The following WWOX variants were observed in gnomAD, a reference collection of about 807,000 sequenced individuals.
The protein encoded by WWOX is WW domain containing oxidoreductase.
In WWOX, 69 loss-of-function variants were observed where a neutral mutation model predicts 46.2. The observed-to-expected ratio is 1.49, with a 90% CI of 1.23 to 1.82. WWOX has a LOEUF of 1.82. Among genes scored for constraint, WWOX ranks in the 40% most tolerant of loss-of-function variants. The pLI, the probability that WWOX is intolerant of heterozygous loss-of-function variation, is 0.00. For synonymous variants in WWOX, 359 were observed against 202.6 expected (o/e 1.77, Z -6.56); for missense variants, 919 against 542.6 (o/e 1.69, Z -6.89).
Position 78,821,431 on chromosome 16 carries a change from C to T in WWOX, c.1056+388679C>T, listed in dbSNP as rs150003427. Reference sequence around the variant, plus strand: ...CACATGGCTTCTCATTTTGAAAACCCGGTGGCTAATAAAGTAGATGAGTTT... The same window carrying T: ...CACATGGCTTCTCATTTTGAAAACCTGGTGGCTAATAAAGTAGATGAGTTT... On this transcript the variant is annotated intron_variant, in intron 8 of 8. Coordinates refer to ENST00000566780, the MANE Select transcript of WWOX (RefSeq NM_016373.4). Among the ~76,000 whole-genome samples the T allele has an allele frequency of 5.5e-3, 842 of 152,184 alleles. 7 individuals carry two copies. Among genetic ancestry groups the T allele is most frequent in the African/African-American group, 0.017 (703 of 41,512 alleles).
intron 8 of WWOX, among the ~76,000 whole-genome samples, chr16:78,681,475 C>G (rs1192323054): frequency 2.0e-5 from 3 of 151,586 alleles, no homozygotes; most frequent in South Asian, 2.1e-4. Context: ...ATCCTAGACA[C>G]TTGAATCAGA....
At chr16:78,905,664 T>A (rs978280368) in intron 8 of WWOX, among the ~76,000 whole-genome samples, 1 of 152,212 alleles carries the variant, frequency 6.6e-6, no homozygotes, top group Non-Finnish European at 1.5e-5. Context: ...ATTAGATGCA[T>A]GAGCCACCTG....
chr16:78,265,127 A>C (rs1055284566), intron 5 of WWOX, among the ~76,000 whole-genome samples: 5 of 149,924 alleles, frequency 3.3e-5, no homozygotes, highest in African/African-American at 1.2e-4. Flanking sequence ...CAGCCTCCCA[A>C]GTTGCTGGGA....
chr16:78,502,921 A>C (rs1012468388), intron 8 of WWOX, among the ~76,000 whole-genome samples: 2 of 152,178 alleles, frequency 1.3e-5, no homozygotes, highest in South Asian at 4.1e-4. Context: ...CCCTGCTTCC[A>C]GCGATAGCAA....
intron 8 of WWOX, among the ~76,000 whole-genome samples, chr16:79,073,757 G>A (rs1481827320): frequency 2.6e-5 from 4 of 152,048 alleles, no homozygotes; most frequent in Non-Finnish European, 4.4e-5. Flanking sequence ...CGTATCTCAG[G>A]GCTTCCGTAG....
intron 8 of WWOX, among the ~76,000 whole-genome samples, chr16:79,012,085 C>T (rs1176110307): frequency 6.6e-6 from 1 of 152,152 alleles, no homozygotes; most frequent in Non-Finnish European, 1.5e-5. Flanking sequence ...AGCGTGGACA[C>T]TGGGTAGGAG....
intron 8 of WWOX, among the ~76,000 whole-genome samples, chr16:78,874,139 C>T (rs564435741): frequency 1.7e-4 from 26 of 151,888 alleles, no homozygotes; most frequent in Non-Finnish European, 3.7e-4. Context: ...GTCTGTAATC[C>T]CAGCTACTCG....
intron 8 of WWOX, among the ~76,000 whole-genome samples, chr16:78,542,320 C>A (rs928723607): frequency 1.3e-4 from 20 of 152,120 alleles, no homozygotes; most frequent in South Asian, 2.1e-4. Context: ...ACATGATGTA[C>A]CCTGTGTTCT....
chr16:78,822,231 C>T (rs1047603384), intron 8 of WWOX, among the ~76,000 whole-genome samples: 4 of 151,942 alleles, frequency 2.6e-5, no homozygotes, highest in Non-Finnish European at 5.9e-5. Context: ...TGGTGGCTTA[C>T]CCCTGTAATC....
At position 78,748,328 on chromosome 16, in the gene WWOX, A is replaced by G. The variant is rs114882500; in HGVS notation, c.1056+315576A>G. On this transcript the variant is annotated intron_variant, in intron 8 of 8. Transcript: ENST00000566780. The stretch of plus-strand genomic sequence containing the variant: ...CTCAAAAGACTCTATGCAAATAATT[A>G]CTGTTACCCAGTGGTGGAAGTGCTT... 4.2e-3 allele frequency among the ~76,000 whole-genome samples: 637 copies of G among 152,288 alleles called. 4 individuals are homozygous for G. Among genetic ancestry groups the G allele is most frequent in the African/African-American group, 0.014 (579 of 41,566 alleles).
chr16:79,138,986 CCCTTTAGTATTGATGA>C (rs1466728041), intron 8 of WWOX, among the ~76,000 whole-genome samples: 2 of 152,118 alleles, frequency 1.3e-5, no homozygotes, highest in African/African-American at 4.8e-5. Context: ...ACATATAACT[CCCTTTAGTATTGATGA>C]CCTTTCTCTC....
intron 1 of WWOX, among the ~76,000 whole-genome samples, chr16:78,106,422 T>G (rs1353259118): frequency 1.6e-5 from 2 of 127,938 alleles, no homozygotes; most frequent in African/African-American, 3.0e-5. Context: ...TTTTTTTTTG[T>G]TTTTTTTTTT....
chr16:79,012,461 G>C (rs2047330151), intron 8 of WWOX, among the ~76,000 whole-genome samples: 1 of 152,098 alleles, frequency 6.6e-6, no homozygotes, highest in Non-Finnish European at 1.5e-5. Flanking sequence ...TCGAACTCCT[G>C]ACCTCAAAAG....
intron 8 of WWOX, among the ~76,000 whole-genome samples, chr16:78,810,613 T>C (rs1038652345): frequency 3.3e-5 from 5 of 152,222 alleles, no homozygotes; most frequent in African/African-American, 9.6e-5. Context: ...CTGGAGTATT[T>C]TACCTCCCAT....
chr16:78,773,867 G>T (rs1436320980), intron 8 of WWOX, among the ~76,000 whole-genome samples: 3 of 152,182 alleles, frequency 2.0e-5, no homozygotes, highest in African/African-American at 7.2e-5. Context: ...TTTAACTTCT[G>T]TTGGCATCAT....
chr16:78,842,006 C>T (rs773902051), intron 8 of WWOX, among the ~76,000 whole-genome samples: 44 of 152,154 alleles, frequency 2.9e-4, no homozygotes, highest in Non-Finnish European at 4.6e-4. Context: ...ATATAAGAGA[C>T]ACACTATAAA....
At chr16:78,198,718 C>T (rs969218035) in intron 5 of WWOX, among the ~76,000 whole-genome samples, 1 of 152,180 alleles carries the variant, frequency 6.6e-6, no homozygotes, top group Non-Finnish European at 1.5e-5. Flanking sequence ...CTAGTTGTAT[C>T]ACCTTCCTCC....
In WWOX at chr16:79,211,789, C is replaced by A. The variant is rs117065412; in HGVS notation, c.1238C>A (p.Ser413Tyr). Residue 413 changes from serine (S) to tyrosine (Y), a missense_variant, in exon 9 of 9, where the codon TCC becomes TAC. Physicochemically the swap from Ser to Tyr is moderately radical, Grantham distance 144 (BLOSUM62 -2). Transcript: ENST00000566780. ...ATCCAAGAACGGCTTGGCAGCCAGT[C>A]CGGCTAAGTGGAGCTCAGAGCGGAT... ...RLIQERLGSQ[S>Y]G 0.018 allele frequency: 29,479 copies of A among 1,614,074 alleles called. 306 individuals carry two copies. Among genetic ancestry groups the A allele is most frequent in the Non-Finnish European group, 0.022 (25,813 of 1,179,960 alleles).
intron 8 of WWOX, among the ~76,000 whole-genome samples, chr16:78,979,057 T>C (rs2151331484): frequency 6.6e-6 from 1 of 151,170 alleles, no homozygotes; most frequent in Non-Finnish European, 1.5e-5. Flanking sequence ...CCAGGTCTCC[T>C]TCGTCCTCCC....
Sources: allele counts gnomAD v4.1 joint callset (sites outside exome capture counted in the v4.1 genomes callset), GRCh38; gene constraint gnomAD v4.1.1; transcripts MANE v1.5; gene names NCBI Gene and HGNC (gene_info 2026-07-23, HGNC 2026-07-21).